The following KLHL41 variants were observed in gnomAD, a reference collection of about 807,000 sequenced individuals.
The protein encoded by KLHL41 is kelch-like protein 41.
Under a neutral mutation model 49.2 loss-of-function variants are expected in KLHL41, and 31 were observed. The observed-to-expected ratio is 0.63, with a 90% CI of 0.47 to 0.85. The LOEUF (loss-of-function observed/expected upper bound fraction) is 0.85. KLHL41 is among the 40% of genes least tolerant of loss of function. KLHL41 has a pLI of 0.00. For synonymous variants in KLHL41, 218 were observed against 258.5 expected, an observed-to-expected ratio of 0.84 and a Z score of 1.50; for missense variants, 663 against 726.7, an observed-to-expected ratio of 0.91 and a Z score of 1.01.
chr2:169,522,567 T>G (rs1684219094), intron 5 of KLHL41, among the ~76,000 whole-genome samples: 1 of 152,088 alleles, frequency 6.6e-6, no homozygotes, highest in African/African-American at 2.4e-5. Flanking sequence ...GGGCAGTGAT[T>G]CTCAACCCTA....
At chr2:169,515,117 G>A (rs1334647913) in intron 3 of KLHL41, among the ~76,000 whole-genome samples, 156 bp downstream of exon 3, 1 of 147,004 alleles carries the variant, frequency 6.8e-6, no homozygotes, top group African/African-American at 2.5e-5. Context: ...CACTGCAACC[G>A]CCGCCTCCTG....
chr2:169,524,308 C>A (rs2105314058), intron 5 of KLHL41, among the ~76,000 whole-genome samples: 1 of 151,502 alleles, frequency 6.6e-6, no homozygotes, highest in Admixed American at 6.6e-5. Flanking sequence ...TTATTGAGAA[C>A]TAATTTGGAA....
At chr2:169,520,276 G>A (rs536801355) in intron 4 of KLHL41, among the ~76,000 whole-genome samples, 60 of 31,336 alleles carry the variant, frequency 1.9e-3, no homozygotes, top group African/African-American at 5.6e-3. Flanking sequence ...TCCTGCCTCA[G>A]TGTGTGTGTG....
chr2:169,512,157 T>A (rs1024838987), intron 1 of KLHL41, among the ~76,000 whole-genome samples: 1 of 152,248 alleles, frequency 6.6e-6, no homozygotes, highest in Non-Finnish European at 1.5e-5. Context: ...TTTTCTAATC[T>A]TGAAAAATGT....
intron 4 of KLHL41, among the ~76,000 whole-genome samples, 185 bp downstream of exon 4, chr2:169,518,560 T>G (rs1342347488): frequency 6.6e-6 from 1 of 152,244 alleles, no homozygotes; most frequent in Non-Finnish European, 1.5e-5. Context: ...TGTCTAACAT[T>G]CTGATGCATT....
intron 3 of KLHL41, among the ~76,000 whole-genome samples, chr2:169,516,010 A>T (rs1453100505): frequency 6.6e-6 from 1 of 152,142 alleles, no homozygotes; most frequent in Non-Finnish European, 1.5e-5. Flanking sequence ...GAGAGAGGAG[A>T]AGTGAGCTCC....
rs574677620 is a variant in KLHL41, at chr2:169,510,260, G to T, written c.482G>T (p.Arg161Leu). The T allele has an allele frequency of 6.2e-7, 1 of 1,613,846 alleles. No homozygotes were observed. Among genetic ancestry groups the T allele is most frequent in the African/African-American group, 1.3e-5 (1 of 74,984 alleles). Residue 161 changes from arginine to leucine, a missense_variant, in exon 1 of 6, where the codon CGC becomes CTC. Arg to Leu is a moderately radical substitution (Grantham distance 102). Coordinates refer to ENST00000284669, the MANE Select transcript of KLHL41 (RefSeq NM_006063.3). The surrounding 1 kb of genome is among the most constrained non-coding windows in gnomAD (Gnocchi z 4.2). The stretch of plus-strand genomic sequence containing the variant: ...TCTGCCCGTGAATTTGTGTCTGATC[G>T]CTTTGTACAGATTTGTAAGGAAGAG... ...AISAREFVSD[R>L]FVQICKEEDF...
At chr2:169,516,850 C>G (rs147511197) in intron 3 of KLHL41, among the ~76,000 whole-genome samples, 5 of 151,964 alleles carry the variant, frequency 3.3e-5, no homozygotes. Flanking sequence ...GGAGAAACCC[C>G]GTCTCTACTA....
At position 169,510,330 on chromosome 2, in the gene KLHL41, A is replaced by G; in HGVS notation, c.552A>G (p.Ser184=). 5 of 1,614,194 alleles carry G rather than the reference A, an allele frequency of 3.1e-6. No homozygotes were observed. Among genetic ancestry groups the G allele is most frequent in the South Asian group, 1.1e-5 (1 of 91,078 alleles). ...CACAGGAACTGATCTCAGTCATTTC[A>G]AATGACAGCCTAAATGTAGAAAAAG... The part of the protein sequence containing the change: ...LSPQELISVI[S]NDSLNVEKEE... Residue 184 remains serine, a synonymous_variant, in exon 1 of 6, where the codon TCA becomes TCG. Coordinates refer to ENST00000284669, the MANE Select transcript of KLHL41 (RefSeq NM_006063.3). The surrounding 1 kb of genome is among the most constrained non-coding windows in gnomAD (Gnocchi z 4.2).
At chr2:169,519,651 C>CA (rs1553531868) in intron 4 of KLHL41, among the ~76,000 whole-genome samples, 22 of 138,480 alleles carry the variant, frequency 1.6e-4, no homozygotes, top group African/African-American at 2.1e-4. Context: ...TTTTCTCAAA[C>CA]TTTTTTTTTT....
chr2:169,523,477 T>G lies in KLHL41; in HGVS notation c.1710-2108T>G, dbSNP rs374906703. On this transcript the variant is annotated intron_variant, in intron 5 of 5. Transcript: ENST00000284669. ...TTGGGTAAAGAGAAGAGGGGGGCATTCATCACTATCTGCTTGGCTATTTTG... is the reference window on the plus strand; with the variant it reads ...TTGGGTAAAGAGAAGAGGGGGGCATGCATCACTATCTGCTTGGCTATTTTG... Among the ~76,000 whole-genome samples the G allele has an allele frequency of 3.9e-5, 6 of 152,298 alleles. No homozygotes were observed. The East Asian group carries it at 9.7e-4, about 25-fold the overall frequency.
chr2:169,520,312 ATG>A lies in KLHL41; in HGVS notation c.1563-532_1563-531del, dbSNP rs369521434. ...TGTGTGTGTGTGTGTGTGTGTGTGTATGTGTGTGTGTGTGTGTGGAGGCAGTC... is the reference window on the plus strand; with the variant it reads ...TGTGTGTGTGTGTGTGTGTGTGTGTATGTGTGTGTGTGTGTGGAGGCAGTC... On this transcript the variant is annotated intron_variant, in intron 4 of 5. Transcript: ENST00000284669. Among the ~76,000 whole-genome samples, 182 of 86,648 alleles carry A rather than the reference ATG, an allele frequency of 2.1e-3. 21 individuals are homozygous for A. In the East Asian group the frequency reaches 0.022, roughly 10 times the overall value. The allele number at this position is 86,648 out of a possible 152,430, so 56.8% of individuals were successfully genotyped here. A position where few individuals can be genotyped will look rare whatever the true frequency, so the allele number is the denominator to read the frequency against.
At chr2:169,513,778 A>G (rs1262165942) in intron 1 of KLHL41, among the ~76,000 whole-genome samples, 1 of 152,232 alleles carries the variant, frequency 6.6e-6, no homozygotes, top group Non-Finnish European at 1.5e-5. Flanking sequence ...GTGTGCTAAA[A>G]TGAAAAGTGT....
chr2:169,511,131 C>T (rs942913973), intron 1 of KLHL41, among the ~76,000 whole-genome samples: 1 of 152,284 alleles, frequency 6.6e-6, no homozygotes, highest in South Asian at 2.1e-4. Context: ...TTAAGATGTT[C>T]TTTATACTAT....
chr2:169,510,228 C>T lies in KLHL41; in HGVS notation c.450C>T (p.Leu150=), dbSNP rs1169121102. 6 of 1,613,890 alleles carry T rather than the reference C, an allele frequency of 3.7e-6. No homozygotes were observed. Among genetic ancestry groups the T allele is most frequent in the East Asian group, 2.2e-5 (1 of 44,898 alleles). The change falls in exon 1 of 6, where the codon CTC becomes CTT. Residue 150 remains leucine (L), a synonymous_variant. Transcript: ENST00000284669. The surrounding 1 kb of genome is among the most constrained non-coding windows in gnomAD (Gnocchi z 4.2). ...RLGLLLDCPR[L]AISAREFVSD... ...GACTTCTTCTTGACTGCCCGAGACT[C>T]GCCATTTCTGCCCGTGAATTTGTGT...
chr2:169,510,089 A>G lies in KLHL41; in HGVS notation c.311A>G (p.Gln104Arg). The G allele has an allele frequency of 1.2e-6, 2 of 1,614,194 alleles. No individual in the cohort carries two copies. Among genetic ancestry groups the G allele is most frequent in the Non-Finnish European group, 1.7e-6 (2 of 1,180,034 alleles). Reference sequence around the variant, plus strand: ...ATTGATCTCAATGACGGAAATGTGCAAGATATTTTTGCATTGGCCAGCCGC... The same window carrying G: ...ATTGATCTCAATGACGGAAATGTGCGAGATATTTTTGCATTGGCCAGCCGC... ...ASIDLNDGNV[Q>R]DIFALASRFQ... The change falls in exon 1 of 6, where the codon CAA (glutamine) becomes CGA (arginine). Residue 104 changes from glutamine (Q) to arginine (R), a missense_variant. This residue lies in a region of KLHL41 where 129 missense variants were observed against 122.1 expected (regional missense o/e 1.06). Coordinates refer to ENST00000284669, the MANE Select transcript of KLHL41 (RefSeq NM_006063.3). This position sits in a 1 kb window ranked among gnomAD's most constrained non-coding sequence, Gnocchi z 4.2.
At chr2:169,512,126 CTAT>C (rs1684036946) in intron 1 of KLHL41, among the ~76,000 whole-genome samples, 1 of 152,160 alleles carries the variant, frequency 6.6e-6, no homozygotes, top group African/African-American at 2.4e-5. Flanking sequence ...TCACAAAATA[CTAT>C]TATACCTTTA....
At chr2:169,523,445 C>A (rs932311441) in intron 5 of KLHL41, among the ~76,000 whole-genome samples, 9 of 152,212 alleles carry the variant, frequency 5.9e-5, no homozygotes, top group African/African-American at 2.2e-4. Flanking sequence ...GTTTGGGAAC[C>A]ACTGGATTGG....
chr2:169,510,314 T>G lies in KLHL41; in HGVS notation c.536T>G (p.Leu179Arg). 6.2e-7 allele frequency: 1 copy of G among 1,614,118 alleles called. No individual in the cohort carries two copies. The highest frequency in any genetic ancestry group is 8.5e-7 in the Non-Finnish European group (1 of 1,180,006). Residue 179 changes from leucine to arginine, a missense_variant, in exon 1 of 6, where the codon CTG (leucine) becomes CGG (arginine). Transcript: ENST00000284669. The surrounding 1 kb of genome is among the most constrained non-coding windows in gnomAD (Gnocchi z 4.2). ...TTTATGCAACTGTCTCCACAGGAACTGATCTCAGTCATTTCAAATGACAGC... is the reference window on the plus strand; with the variant it reads ...TTTATGCAACTGTCTCCACAGGAACGGATCTCAGTCATTTCAAATGACAGC... ...EDFMQLSPQE[L>R]ISVISNDSLN...
Sources: gnomAD v4.1 joint callset for allele counts (sites outside exome capture counted in the v4.1 genomes callset) on GRCh38, gnomAD v4.1.1 for gene constraint, gnomAD v4.1.1 regional missense constraint, Gnocchi (gnomAD v3.1) non-coding constraint, MANE v1.5 for transcripts, NCBI Gene and HGNC (gene_info 2026-07-23, HGNC 2026-07-21) for gene names.